Variants in UTRN observed in about 807,000 individuals in gnomAD.
UTRN encodes the protein dystrophin-related protein 1.
Under a neutral mutation model 463.9 loss-of-function variants are expected in UTRN, and 283 were observed. The observed-to-expected ratio is 0.61, with a 90% CI of 0.55 to 0.67. The LOEUF (loss-of-function observed/expected upper bound fraction) is 0.67, where lower values mean the gene tolerates loss of function less well. Ranked by LOEUF, UTRN falls within the 30% of genes least tolerant of loss-of-function variation. The probability of loss-of-function intolerance (pLI) is 0.00; values close to 1 mark genes in which losing one functional copy is unlikely to be tolerated. For synonymous variants in UTRN, 1,442 were observed against 1,431.5 expected (o/e 1.01, Z -0.17); for missense variants, 3,922 against 4,084.3 (o/e 0.96, Z 1.08).
At chr6:144,410,705 T>TA (rs1230318962) in intron 3 of UTRN, among the ~76,000 whole-genome samples, 1 of 152,132 alleles carries the variant, frequency 6.6e-6, no homozygotes, top group African/African-American at 2.4e-5. Flanking sequence ...TTACTTCACT[T>TA]AGAATAATGG....
intron 53 of UTRN, among the ~76,000 whole-genome samples, chr6:144,713,361 T>C (rs1057015715): frequency 2.0e-5 from 3 of 151,890 alleles, no homozygotes; most frequent in South Asian, 2.1e-4. Context: ...ATCTTAGCAC[T>C]TTGGGAGGCT....
chr6:144,825,268 T>A (rs1780079105), intron 66 of UTRN, among the ~76,000 whole-genome samples: 1 of 152,226 alleles, frequency 6.6e-6, no homozygotes, highest in Non-Finnish European at 1.5e-5. Context: ...TCAGCCCCCA[T>A]GCTGGAGAGC....
At chr6:144,296,806 A>C (rs887729613) in intron 2 of UTRN, among the ~76,000 whole-genome samples, 20 of 152,106 alleles carry the variant, frequency 1.3e-4, no homozygotes, top group Non-Finnish European at 1.9e-4. Context: ...GGGACCCTGG[A>C]CTGTGAGGTA....
chr6:144,480,457 G>T (rs1562464686), intron 26 of UTRN, among the ~76,000 whole-genome samples: 1 of 152,150 alleles, frequency 6.6e-6, no homozygotes, highest in Non-Finnish European at 1.5e-5. Flanking sequence ...GTTGTCTGAG[G>T]TTTATTCTTA....
chr6:144,337,134 CAGACTCACACACAG>C (rs1776774398), intron 2 of UTRN, among the ~76,000 whole-genome samples: 3 of 151,616 alleles, frequency 2.0e-5, no homozygotes, highest in Admixed American at 6.6e-5. Context: ...CACACACACA[CAGACTCACACACAG>C]AGACACACAC....
chr6:144,327,796 T>C (rs912548817), intron 2 of UTRN, among the ~76,000 whole-genome samples: 5 of 151,788 alleles, frequency 3.3e-5, no homozygotes, highest in African/African-American at 1.2e-4. Flanking sequence ...TAACAAAAAT[T>C]AGCTGGGCAT....
At chr6:144,605,815 A>G (rs1804787921) in intron 51 of UTRN, among the ~76,000 whole-genome samples, 1 of 152,102 alleles carries the variant, frequency 6.6e-6, no homozygotes, top group South Asian at 2.1e-4. Flanking sequence ...GATATTTAGA[A>G]ATTAAGCAGA....
At chr6:144,396,580 G>T (rs1003353176) in intron 2 of UTRN, among the ~76,000 whole-genome samples, 2 of 152,190 alleles carry the variant, frequency 1.3e-5, no homozygotes, top group African/African-American at 4.8e-5. Context: ...AAAAACGATT[G>T]AATTGTAAAC....
At chr6:144,585,252 A>C (rs1166194968) in intron 51 of UTRN, among the ~76,000 whole-genome samples, 1 of 152,146 alleles carries the variant, frequency 6.6e-6, no homozygotes, top group African/African-American at 2.4e-5. Context: ...AGATACCATG[A>C]AAATTTAAAT....
intron 2 of UTRN, among the ~76,000 whole-genome samples, chr6:144,349,837 G>A (rs1777954622): frequency 6.6e-6 from 1 of 152,130 alleles, no homozygotes; most frequent in African/African-American, 2.4e-5. Context: ...TTGGTTGGAG[G>A]GCCATTCAGG....
At chr6:144,485,910 T>C (rs573646594) in intron 28 of UTRN, among the ~76,000 whole-genome samples, 1 of 152,356 alleles carries the variant, frequency 6.6e-6, no homozygotes, top group East Asian at 1.9e-4. Flanking sequence ...AGGGGATTCC[T>C]GTCTCTTACC....
chr6:144,438,624 T>C, intron 11 of UTRN, 121 bp from the exon 12 acceptor site: 1 of 1,236,894 alleles, frequency 8.1e-7, no homozygotes, highest in Non-Finnish European at 1.1e-6. Flanking sequence ...GACTAAATGC[T>C]ACCTTGAATG....
chr6:144,430,119 T>C (rs2114868656), intron 9 of UTRN, among the ~76,000 whole-genome samples: 2 of 152,312 alleles, frequency 1.3e-5, no homozygotes, highest in Middle Eastern at 3.4e-3. Context: ...CTAATTGTCT[T>C]TCTTTTTTTG....
intron 50 of UTRN, among the ~76,000 whole-genome samples, chr6:144,570,445 T>C (rs1345172497): frequency 2.0e-5 from 3 of 152,110 alleles, no homozygotes; most frequent in Admixed American, 2.0e-4. Flanking sequence ...AGTTTAGGGA[T>C]GATGAAGACA....
chr6:144,587,356 G>T (rs745790395), intron 51 of UTRN, among the ~76,000 whole-genome samples: 4 of 152,180 alleles, frequency 2.6e-5, no homozygotes, highest in Non-Finnish European at 5.9e-5. Context: ...GACCAGTGAT[G>T]TCTACAAAAG....
intron 34 of UTRN, among the ~76,000 whole-genome samples, chr6:144,504,039 C>T (rs1484426155): frequency 6.6e-6 from 1 of 150,938 alleles, no homozygotes; most frequent in Non-Finnish European, 1.5e-5. Flanking sequence ...TGATTTGGCT[C>T]TCTATTATTG....
intron 64 of UTRN, among the ~76,000 whole-genome samples, chr6:144,799,190 T>C (rs1412505330): frequency 6.6e-6 from 1 of 152,260 alleles, no homozygotes; most frequent in Non-Finnish European, 1.5e-5. Context: ...TTCATTTGAC[T>C]GACTTTATCA....
chr6:144,457,674 C>G (rs1788998934), intron 19 of UTRN, among the ~76,000 whole-genome samples: 1 of 152,168 alleles, frequency 6.6e-6, no homozygotes, highest in Admixed American at 6.5e-5. Context: ...ATAGGTGACA[C>G]ATTCAAATGA....
At chr6:144,724,593 C>T (rs1787643495) in intron 53 of UTRN, among the ~76,000 whole-genome samples, 1 of 152,058 alleles carries the variant, frequency 6.6e-6, no homozygotes. Flanking sequence ...CCCTCCCCTC[C>T]CTCCCCAGTT....
Sources: allele counts gnomAD v4.1 joint callset (sites outside exome capture counted in the v4.1 genomes callset), GRCh38; gene constraint gnomAD v4.1.1; transcripts MANE v1.5; gene names NCBI Gene and HGNC (gene_info 2026-07-23, HGNC 2026-07-21).